The following CENPP variants were observed in gnomAD, a reference collection of about 807,000 sequenced individuals.
CENPP encodes the protein centromere protein P.
A neutral mutation model predicts 35.6 loss-of-function variants in CENPP; 24 were observed. That is an observed-to-expected ratio of 0.67 (90% CI 0.49 to 0.95). The LOEUF (loss-of-function observed/expected upper bound fraction) is 0.95. Among genes scored for constraint, CENPP ranks in the 40% least tolerant of loss-of-function variants. The probability of loss-of-function intolerance (pLI) is 0.00; values close to 1 mark genes in which losing one functional copy is unlikely to be tolerated. For missense variants in CENPP, 332 were observed against 345.3 expected, an observed-to-expected ratio of 0.96 and a Z score of 0.31; for synonymous variants, 120 against 125.5, an observed-to-expected ratio of 0.96 and a Z score of 0.29.
chr9:92,345,201 C>T (rs949461764), intron 3 of CENPP, among the ~76,000 whole-genome samples: 1 of 151,952 alleles, frequency 6.6e-6, no homozygotes, highest in African/African-American at 2.4e-5. Flanking sequence ...TGCAGTGAGC[C>T]GAGATCGCGC....
intron 3 of CENPP, among the ~76,000 whole-genome samples, 195 bp from the exon 4 acceptor site, chr9:92,345,504 A>C (rs897742071): frequency 1.3e-5 from 2 of 151,960 alleles, no homozygotes; most frequent in African/African-American, 4.8e-5. Flanking sequence ...AAAAAAAAAA[A>C]AAAGGCATCT....
At chr9:92,531,135 A>G (rs1848724430) in intron 5 of CENPP, among the ~76,000 whole-genome samples, 1 of 152,038 alleles carries the variant, frequency 6.6e-6, no homozygotes, top group Non-Finnish European at 1.5e-5. Flanking sequence ...TGTAAAATTT[A>G]ATGTTTGAAT....
At chr9:92,609,642 C>T (rs992791992) in intron 5 of CENPP, among the ~76,000 whole-genome samples, 12 of 152,238 alleles carry the variant, frequency 7.9e-5, no homozygotes, top group Admixed American at 2.6e-4. Flanking sequence ...CCTAGGAGCT[C>T]GACATCTCAG....
chr9:92,533,022 G>C (rs939266681), intron 5 of CENPP, among the ~76,000 whole-genome samples: 4 of 152,006 alleles, frequency 2.6e-5, no homozygotes, highest in African/African-American at 9.6e-5. Flanking sequence ...CTTTGGGCTG[G>C]GTGCGGTGGC....
At chr9:92,517,347 C>A (rs1241582557) in intron 5 of CENPP, 3 of 454,692 alleles carry the variant, frequency 6.6e-6, no homozygotes. Flanking sequence ...GGATAATGCA[C>A]ATATAGACCA....
At chr9:92,561,501 C>T (rs941123411) in intron 5 of CENPP, among the ~76,000 whole-genome samples, 2 of 152,182 alleles carry the variant, frequency 1.3e-5, no homozygotes, top group Non-Finnish European at 1.5e-5. Context: ...TGTTTTAACA[C>T]TTGTAATATT....
At chr9:92,396,552 G>A (rs1842898326) in intron 5 of CENPP, among the ~76,000 whole-genome samples, 1 of 119,142 alleles carries the variant, frequency 8.4e-6, no homozygotes, top group Non-Finnish European at 1.7e-5. Context: ...TCAGTGTACA[G>A]GCCTTACATA....
chr9:92,363,402 T>C (rs1358849802), intron 4 of CENPP, among the ~76,000 whole-genome samples: 1 of 152,202 alleles, frequency 6.6e-6, no homozygotes, highest in Admixed American at 6.5e-5. Flanking sequence ...ACCTTTCCTA[T>C]GTTTAGATAT....
upstream of CENPP, chr9:92,325,675 G>T: frequency 3.2e-6 from 1 of 314,054 alleles, no homozygotes; most frequent in Admixed American, 5.1e-5. Context: ...GCACGCGGCC[G>T]GGCGGCTCCA....
chr9:92,555,038 T>G (rs1271015526), intron 5 of CENPP, among the ~76,000 whole-genome samples: 1 of 151,416 alleles, frequency 6.6e-6, no homozygotes, highest in Non-Finnish European at 1.5e-5. Flanking sequence ...TTGTTGTTGT[T>G]GTGTCCTTTC....
chr9:92,417,466 A>G (rs753629085), intron 5 of CENPP: 5 of 1,613,880 alleles, frequency 3.1e-6, no homozygotes, highest in Non-Finnish European at 4.2e-6. Flanking sequence ...GCTCTTGGTC[A>G]TAGTCTTCAT....
intron 1 of CENPP, 47 bp downstream of exon 1, chr9:92,326,152 C>CGG (rs896791169): frequency 7.9e-7 from 1 of 1,259,876 alleles, no homozygotes; most frequent in African/African-American, 1.5e-5. Context: ...CCAGGGTTCC[C>CGG]GGGCCAGGCG....
At chr9:92,445,822 G>T (rs1002702006) in intron 5 of CENPP, among the ~76,000 whole-genome samples, 34 of 151,920 alleles carry the variant, frequency 2.2e-4, no homozygotes, top group African/African-American at 7.5e-4. Flanking sequence ...GGTGGAGGTT[G>T]CAGTGAGCCG....
intron 5 of CENPP, among the ~76,000 whole-genome samples, chr9:92,431,015 C>T (rs1054756381): frequency 3.3e-5 from 5 of 151,828 alleles, no homozygotes; most frequent in African/African-American, 1.2e-4. Context: ...AGGATGGTCT[C>T]GATCTCTTAA....
intron 5 of CENPP, among the ~76,000 whole-genome samples, chr9:92,395,383 T>A (rs976695416): frequency 1.3e-5 from 2 of 152,208 alleles, no homozygotes; most frequent in African/African-American, 4.8e-5. Flanking sequence ...TATTACTCAG[T>A]AGTATTCAAT....
intron 3 of CENPP, among the ~76,000 whole-genome samples, chr9:92,342,452 C>T (rs574988668): frequency 3.9e-5 from 6 of 152,332 alleles, no homozygotes; most frequent in Non-Finnish European, 8.8e-5. Context: ...CATGAGTTGT[C>T]ATTGTTTAAG....
intron 5 of CENPP, among the ~76,000 whole-genome samples, chr9:92,528,778 A>G (rs1416407826): frequency 6.6e-6 from 1 of 152,222 alleles, no homozygotes; most frequent in Non-Finnish European, 1.5e-5. Flanking sequence ...TAAACTGCGT[A>G]CAATAACTTG....
chr9:92,447,970 T>A (rs1844594727), intron 5 of CENPP, among the ~76,000 whole-genome samples: 1 of 152,166 alleles, frequency 6.6e-6, no homozygotes, highest in African/African-American at 2.4e-5. Context: ...GTGTTTGAGA[T>A]GTGGATTTTG....
Position 92,593,672 on chromosome 9 carries a change from C to T in CENPP, c.565-17642C>T, listed in dbSNP as rs964997655. Among the ~76,000 whole-genome samples the T allele has an allele frequency of 5.3e-5, 8 of 152,134 alleles. No homozygotes were observed. The highest frequency in any genetic ancestry group is 1.0e-4 in the Non-Finnish European group (7 of 68,032). Reference sequence around the variant, plus strand: ...CTCCTGCCTGGGCCAACAATGAAAGCGAACAGTGATTAGAGTTTGGCAGAG... The same window carrying T: ...CTCCTGCCTGGGCCAACAATGAAAGTGAACAGTGATTAGAGTTTGGCAGAG... On this transcript the variant is annotated intron_variant, in intron 5 of 7. Transcript: ENST00000375587. The surrounding 1 kb of genome is among the most constrained non-coding windows in gnomAD (Gnocchi z 4.1).
Sources: allele counts gnomAD v4.1 joint callset (sites outside exome capture counted in the v4.1 genomes callset), GRCh38; gene constraint gnomAD v4.1.1; non-coding constraint Gnocchi (gnomAD v3.1); transcripts MANE v1.5; gene names NCBI Gene and HGNC (gene_info 2026-07-23, HGNC 2026-07-21).